TNFRSF11A: variants seen among roughly 807,000 people sequenced by gnomAD.
The protein encoded by TNFRSF11A is TNF receptor superfamily member 11a, also known as tumor necrosis factor receptor superfamily member 11A.
TNFRSF11A carries 32 observed loss-of-function variants against 55.7 expected under a neutral mutation model. The observed-to-expected ratio is 0.57, with a 90% CI of 0.43 to 0.77. TNFRSF11A has a LOEUF of 0.77. TNFRSF11A is among the 30% of genes least tolerant of loss of function. The pLI is 0.00. For synonymous variants in TNFRSF11A, 311 were observed against 331.0 expected, an observed-to-expected ratio of 0.94 and a Z score of 0.65; for missense variants, 753 against 809.8, an observed-to-expected ratio of 0.93 and a Z score of 0.85.
intron 1 of TNFRSF11A, among the ~76,000 whole-genome samples, chr18:62,343,780 T>A (rs773204501): frequency 6.6e-6 from 1 of 152,224 alleles, no homozygotes; most frequent in Non-Finnish European, 1.5e-5. Flanking sequence ...TAACTCCTTT[T>A]TTTAGACTTA....
At position 62,388,591 on chromosome 18, in the gene TNFRSF11A, A is replaced by T. The variant is rs1302955562; in HGVS notation, c.*3557A>T. 1 of 152,320 alleles carries T rather than the reference A, an allele frequency of 6.6e-6. No individual in the cohort carries two copies. Among genetic ancestry groups the T allele is most frequent in the Non-Finnish European group, 1.5e-5 (1 of 68,086 alleles). The allele number at this position is 152,320 out of a possible 1,614,324, so 9.4% of individuals were successfully genotyped here. A position where few individuals can be genotyped will look rare whatever the true frequency, so the allele number is the denominator to read the frequency against. On this transcript the variant is annotated 3_prime_UTR_variant, in exon 10 of 10. Coordinates refer to ENST00000586569, the MANE Select transcript of TNFRSF11A (RefSeq NM_003839.4). ...TGGGAAAAAAAGAGGAACATATCCC[A>T]GCCCCTAACCAGTGAGTAGCTCCTT...
At position 62,361,683 on chromosome 18, in the gene TNFRSF11A, C is replaced by G. The variant is rs1909697011; in HGVS notation, c.620C>G (p.Pro207Arg). ...TTCTCATTTTCTTCCAATACAGAAC[C>G]CCATGTTTACTTGCCCGGTTTAATA... ...SLPARKPPNE[P>R]HVYLPGLIIL... is the part of the protein sequence containing the mutation. Residue 207 changes from proline to arginine, a missense_variant, in exon 7 of 10, where the codon CCC (proline) becomes CGC (arginine). Transcript: ENST00000586569. 1.2e-6 allele frequency: 2 copies of G among 1,613,432 alleles called. No individual in the cohort carries two copies. The highest frequency in any genetic ancestry group is 1.7e-6 in the Non-Finnish European group (2 of 1,179,542).
At position 62,352,994 on chromosome 18, in the gene TNFRSF11A, G is replaced by A. The variant is rs573754664; in HGVS notation, c.284-1397G>A. 7.9e-4 allele frequency among the ~76,000 whole-genome samples: 121 copies of A among 152,304 alleles called. 1 individual carries two copies. The highest frequency in any genetic ancestry group is 3.4e-3 in the Middle Eastern group (1 of 294). On this transcript the variant is annotated intron_variant, in intron 3 of 9. Transcript: ENST00000586569. ...ATCCAGGTGAGAAGGAGCCCTAGAA[G>A]GGTACAAGGTCTGTTTTAAATAATG...
rs137862023 is a variant in TNFRSF11A, at chr18:62,340,221, G to A, written c.76-7947G>A. ...AAGAGTCCCAAATCCTTTATCATTC[G>A]TTTTGGGTTTTCTTTGAAACAGGGT... On this transcript the variant is annotated intron_variant, in intron 1 of 9. Coordinates refer to ENST00000586569, the MANE Select transcript of TNFRSF11A (RefSeq NM_003839.4). 3.1e-3 allele frequency among the ~76,000 whole-genome samples: 467 copies of A among 151,810 alleles called. 1 individual carries two copies. The highest frequency in any genetic ancestry group is 0.01 in the African/African-American group (432 of 41,450).
chr18:62,376,917 T>C (rs1282255971), intron 9 of TNFRSF11A, among the ~76,000 whole-genome samples: 3 of 152,312 alleles, frequency 2.0e-5, no homozygotes, highest in African/African-American at 7.2e-5. Flanking sequence ...ATAGCTCTTT[T>C]CTTTTTTTAT....
chr18:62,345,992 TATACTC>T (rs2046378018), intron 1 of TNFRSF11A, among the ~76,000 whole-genome samples: 1 of 152,154 alleles, frequency 6.6e-6, no homozygotes, highest in African/African-American at 2.4e-5. Context: ...TCAGGTCAGA[TATACTC>T]AACAGGCACC....
chr18:62,350,655 A>C (rs541350958), intron 3 of TNFRSF11A, among the ~76,000 whole-genome samples: 1 of 152,296 alleles, frequency 6.6e-6, no homozygotes, highest in African/African-American at 2.4e-5. Context: ...CAAGGTTAAC[A>C]CGTGTGAAGC....
In TNFRSF11A at chr18:62,369,559, C is replaced by T. The variant is rs886905460; in HGVS notation, c.1567+75C>T. 8.9e-6 allele frequency: 14 copies of T among 1,565,358 alleles called. No homozygotes were observed. The East Asian group carries it at 3.1e-4, about 35-fold the overall frequency. On this transcript the variant is annotated intron_variant, in intron 9 of 9. Transcript: ENST00000586569. The stretch of plus-strand genomic sequence containing the variant: ...GTACAGGGTTTGGGGGCAGGTATTA[C>T]CATTTAGGAAGGAGGAAGCTAATGG...
intron 9 of TNFRSF11A, among the ~76,000 whole-genome samples, chr18:62,384,114 C>G (rs767163383): frequency 2.0e-5 from 3 of 152,112 alleles, no homozygotes; most frequent in Non-Finnish European, 4.4e-5. Flanking sequence ...TTTGTAACAT[C>G]TGAATCTTGT....
chr18:62,349,166 C>CTTTTT (rs35392545), intron 2 of TNFRSF11A, among the ~76,000 whole-genome samples: 4 of 143,320 alleles, frequency 2.8e-5, no homozygotes, highest in African/African-American at 5.1e-5. Flanking sequence ...CATTCTATTC[C>CTTTTT]TTTTTTTTTT....
At chr18:62,340,864 T>C (rs912840521) in intron 1 of TNFRSF11A, among the ~76,000 whole-genome samples, 2 of 152,200 alleles carry the variant, frequency 1.3e-5, no homozygotes, top group African/African-American at 2.4e-5. Flanking sequence ...TCCAGCAAGG[T>C]GAGCAGGGGA....
chr18:62,350,572 G>A (rs557062520), intron 3 of TNFRSF11A, among the ~76,000 whole-genome samples: 179 of 152,310 alleles, frequency 1.2e-3, no homozygotes, highest in African/African-American at 4.0e-3. Context: ...GATTACAGGT[G>A]TGAGCCACCG....
chr18:62,333,284 G>A (rs555025147), intron 1 of TNFRSF11A, among the ~76,000 whole-genome samples: 10 of 152,254 alleles, frequency 6.6e-5, no homozygotes, highest in African/African-American at 2.2e-4. Context: ...CCGGGAACTC[G>A]TTAGAAATGC....
At chr18:62,341,074 C>G (rs1568475041) in intron 1 of TNFRSF11A, among the ~76,000 whole-genome samples, 2 of 152,320 alleles carry the variant, frequency 1.3e-5, no homozygotes, top group Admixed American at 6.5e-5. Context: ...CTAGGATATT[C>G]GATCATAATT....
intron 1 of TNFRSF11A, among the ~76,000 whole-genome samples, chr18:62,333,272 C>T (rs2046182085): frequency 6.6e-6 from 1 of 152,104 alleles, no homozygotes; most frequent in Non-Finnish European, 1.5e-5. Flanking sequence ...CATCAGTCTC[C>T]CCCGGGAACT....
Position 62,360,064 on chromosome 18 carries a change from A to G in TNFRSF11A, c.616+15A>G. On this transcript the variant is annotated intron_variant, in intron 6 of 9. Coordinates refer to ENST00000586569, the MANE Select transcript of TNFRSF11A (RefSeq NM_003839.4). ...ACCACCAAATGGTATGTTTAAAAAG[A>G]GCCTGTTGGTTGATAGATGTGCCCC... 1 of 1,610,602 alleles carries G rather than the reference A, an allele frequency of 6.2e-7. No homozygotes were observed. The highest frequency in any genetic ancestry group is 8.5e-7 in the Non-Finnish European group (1 of 1,176,992).
chr18:62,339,066 C>G (rs1327239267), intron 1 of TNFRSF11A, among the ~76,000 whole-genome samples: 2 of 152,200 alleles, frequency 1.3e-5, no homozygotes, highest in East Asian at 3.9e-4. Flanking sequence ...CTGTTCTTGT[C>G]TAAAACGAGT....
chr18:62,368,140 C>T (rs532375681), intron 8 of TNFRSF11A, among the ~76,000 whole-genome samples: 1 of 152,168 alleles, frequency 6.6e-6, no homozygotes. Context: ...AAAGCATAAG[C>T]TCAAACTGAT....
chr18:62,365,119 C>G (rs1909981166), intron 7 of TNFRSF11A, among the ~76,000 whole-genome samples: 1 of 152,070 alleles, frequency 6.6e-6, no homozygotes, highest in Non-Finnish European at 1.5e-5. Context: ...CACCACCATG[C>G]CCGGCTAATT....
Sources: gnomAD v4.1 joint callset for allele counts (sites outside exome capture counted in the v4.1 genomes callset) on GRCh38, gnomAD v4.1.1 for gene constraint, MANE v1.5 for transcripts, NCBI Gene and HGNC (gene_info 2026-07-23, HGNC 2026-07-21) for gene names.